Variants in RASSF5 observed in about 807,000 individuals in gnomAD.
RASSF5 encodes the protein Ras association domain family member 5.
In RASSF5, 25 loss-of-function variants were observed where a neutral mutation model predicts 40.5. The ratio of observed to expected loss-of-function variants is 0.62; its 90% CI spans 0.45 to 0.86. The LOEUF is 0.86. RASSF5 is among the 40% of genes least tolerant of loss of function. The pLI, the probability that RASSF5 is intolerant of heterozygous loss-of-function variation, is 0.00. For missense variants in RASSF5, 521 were observed against 572.8 expected, an observed-to-expected ratio of 0.91 and a Z score of 0.92; for synonymous variants, 246 against 252.4, an observed-to-expected ratio of 0.97 and a Z score of 0.24.
At chr1:206,562,704 G>A (rs567483016) in intron 2 of RASSF5, among the ~76,000 whole-genome samples, 2 of 152,262 alleles carry the variant, frequency 1.3e-5, no homozygotes, top group South Asian at 2.1e-4. Context: ...AGGCCGAGAC[G>A]GGCGGATCAC....
chr1:206,540,031 C>T (rs1447359751), intron 2 of RASSF5, among the ~76,000 whole-genome samples: 9 of 152,274 alleles, frequency 5.9e-5, no homozygotes, highest in Middle Eastern at 3.4e-3. Context: ...TCTCAAAAGG[C>T]GGCAATTTTA....
At chr1:206,576,231 G>A (rs972382222) in intron 2 of RASSF5, among the ~76,000 whole-genome samples, 1 of 152,228 alleles carries the variant, frequency 6.6e-6, no homozygotes, top group Non-Finnish European at 1.5e-5. Flanking sequence ...GGCTCTTGCA[G>A]TATGGATTTA....
intron 2 of RASSF5, among the ~76,000 whole-genome samples, chr1:206,562,957 G>A (rs1668187566): frequency 6.6e-6 from 1 of 151,814 alleles, no homozygotes. Flanking sequence ...AATACTGCTT[G>A]GGTTGAATTG....
intron 2 of RASSF5, among the ~76,000 whole-genome samples, chr1:206,567,871 G>A (rs1257431086): frequency 6.6e-6 from 1 of 152,146 alleles, no homozygotes; most frequent in Non-Finnish European, 1.5e-5. Flanking sequence ...ACTACCATAC[G>A]AGGTAGGTAC....
At chr1:206,515,175 T>G (rs1666714495) in intron 1 of RASSF5, among the ~76,000 whole-genome samples, 2 of 152,074 alleles carry the variant, frequency 1.3e-5, no homozygotes, top group South Asian at 4.1e-4. Flanking sequence ...TGCTGAAATG[T>G]CCAAAAAAGG....
intron 2 of RASSF5, among the ~76,000 whole-genome samples, chr1:206,569,709 C>A (rs542979921): frequency 3.9e-5 from 6 of 152,350 alleles, no homozygotes; most frequent in African/African-American, 1.4e-4. Context: ...CCTTCCTGAT[C>A]TCTGAGCACA....
At chr1:206,533,188 G>A (rs1553398171) in intron 1 of RASSF5, among the ~76,000 whole-genome samples, 1 of 152,226 alleles carries the variant, frequency 6.6e-6, no homozygotes, top group Non-Finnish European at 1.5e-5. Flanking sequence ...ACCATGGCCT[G>A]TGGGCCATGT....
Position 206,557,362 on chromosome 1 carries a change from C to T in RASSF5, c.579+19069C>T, listed in dbSNP as rs183861712. 2.3e-4 allele frequency: 311 copies of T among 1,337,866 alleles called. 3 individuals carry two copies. In the East Asian group the frequency reaches 8.1e-3, roughly 35 times the overall value. 82.9% of individuals were successfully genotyped at this position (1,337,866 alleles called of 1,614,324 possible). A position where few individuals can be genotyped will look rare whatever the true frequency, so the allele number is the denominator to read the frequency against. On this transcript the variant is annotated intron_variant, in intron 2 of 5. Coordinates refer to ENST00000579436, the MANE Select transcript of RASSF5 (RefSeq NM_182663.4). ...CGGCGCGGGGACAGGAGCAGGTTACCGGGCCGCCCGAGCGCTCGCACCCCG... is the reference window on the plus strand; with the variant it reads ...CGGCGCGGGGACAGGAGCAGGTTACTGGGCCGCCCGAGCGCTCGCACCCCG...
intron 2 of RASSF5, among the ~76,000 whole-genome samples, chr1:206,569,303 G>A (rs527482864): frequency 6.6e-6 from 1 of 152,376 alleles, no homozygotes; most frequent in Non-Finnish European, 1.5e-5. Flanking sequence ...ATAGGTTATG[G>A]TTGGTAAATC....
At chr1:206,510,701 G>A (rs928095340) in intron 1 of RASSF5, among the ~76,000 whole-genome samples, 6 of 152,310 alleles carry the variant, frequency 3.9e-5, no homozygotes, top group African/African-American at 1.4e-4. Context: ...ACTCCTACCT[G>A]ATGTCCTGCT....
chr1:206,520,796 C>G (rs1376705527), intron 1 of RASSF5, among the ~76,000 whole-genome samples: 1 of 152,138 alleles, frequency 6.6e-6, no homozygotes, highest in Non-Finnish European at 1.5e-5. Flanking sequence ...AAATGTCAAA[C>G]AGTTGAAACC....
Position 206,507,699 on chromosome 1 carries a change from C to T in RASSF5, c.97C>T (p.Leu33=). 1 of 1,492,890 alleles carries T rather than the reference C, an allele frequency of 6.7e-7. No individual in the cohort carries two copies. Among genetic ancestry groups the T allele is most frequent in the Non-Finnish European group, 8.9e-7 (1 of 1,127,712 alleles). 92.5% of individuals were successfully genotyped at this position (1,492,890 alleles called of 1,614,324 possible). A position where few individuals can be genotyped will look rare whatever the true frequency, so the allele number is the denominator to read the frequency against. The change falls in exon 1 of 6, where the codon CTA becomes TTA. Residue 33 remains leucine (L), a synonymous_variant. Coordinates refer to ENST00000579436, the MANE Select transcript of RASSF5 (RefSeq NM_182663.4). ...RYLQSLSGPE[L]PPPPPDRSSR... ...TCTACAGAGCCTGAGCGGCCCCGAG[C>T]TACCGCCGCCGCCCCCCGACCGGTC...
intron 2 of RASSF5, among the ~76,000 whole-genome samples, chr1:206,562,382 A>G (rs1164971563): frequency 6.6e-6 from 1 of 152,244 alleles, no homozygotes; most frequent in Non-Finnish European, 1.5e-5. Context: ...AAATAAAACT[A>G]GAATCTTTGG....
At chr1:206,515,665 A>G (rs1666728365) in intron 1 of RASSF5, among the ~76,000 whole-genome samples, 1 of 152,156 alleles carries the variant, frequency 6.6e-6, no homozygotes, top group Admixed American at 6.5e-5. Flanking sequence ...GCCCCATGAG[A>G]AAAAATACAT....
intron 1 of RASSF5, among the ~76,000 whole-genome samples, chr1:206,524,694 T>TCA (rs1667053040): frequency 1.0e-5 from 1 of 100,462 alleles, no homozygotes; most frequent in Non-Finnish European, 2.0e-5. Flanking sequence ...ATTTAATATA[T>TCA]TATATATTAT....
At position 206,589,130 on chromosome 1, in the gene RASSF5, T is replaced by C. The variant is rs1669257223; in HGVS notation, c.*2152T>C. ...AGTATAGTATCGAGTACCCGTTCCC[T>C]CCCAGAGGTGGGAGTAACTGCTGGT... On this transcript the variant is annotated 3_prime_UTR_variant, in exon 6 of 6. Transcript: ENST00000579436. The C allele has an allele frequency of 6.5e-6, 1 of 152,788 alleles. No individual in the cohort carries two copies. Among genetic ancestry groups the C allele is most frequent in the South Asian group, 2.1e-4 (1 of 4,836 alleles). 9.5% of individuals were successfully genotyped at this position (152,788 alleles called of 1,614,324 possible). A position where few individuals can be genotyped will look rare whatever the true frequency, so the allele number is the denominator to read the frequency against.
intron 2 of RASSF5, among the ~76,000 whole-genome samples, chr1:206,563,837 C>A (rs1412909208): frequency 6.6e-6 from 1 of 152,208 alleles, no homozygotes; most frequent in East Asian, 1.9e-4. Context: ...CCCCCAGTCA[C>A]ACAGCTCAGT....
intron 2 of RASSF5, among the ~76,000 whole-genome samples, chr1:206,565,605 C>T (rs891029519): frequency 6.6e-6 from 1 of 152,228 alleles, no homozygotes; most frequent in African/African-American, 2.4e-5. Flanking sequence ...CTAGCTGCTC[C>T]CCTTCCCCAT....
chr1:206,582,382 G>A (rs782631534), intron 2 of RASSF5, among the ~76,000 whole-genome samples: 1 of 152,198 alleles, frequency 6.6e-6, no homozygotes, highest in Non-Finnish European at 1.5e-5. Context: ...GACAGACCTG[G>A]AATTTCTGTT....
Sources: gnomAD v4.1 joint callset for allele counts (sites outside exome capture counted in the v4.1 genomes callset) on GRCh38, gnomAD v4.1.1 for gene constraint, MANE v1.5 for transcripts, NCBI Gene and HGNC (gene_info 2026-07-23, HGNC 2026-07-21) for gene names.